KCNMA1: variants seen among roughly 807,000 people sequenced by gnomAD.
KCNMA1 encodes potassium calcium-activated channel subfamily M alpha 1.
A neutral mutation model predicts 140.0 loss-of-function variants in KCNMA1; 29 were observed. The ratio of observed to expected loss-of-function variants is 0.21; its 90% CI spans 0.15 to 0.28. KCNMA1 has a LOEUF of 0.28. KCNMA1 is among the 10% of genes least tolerant of loss of function. The probability of loss-of-function intolerance (pLI) is 1.00; values close to 1 mark genes in which losing one functional copy is unlikely to be tolerated. For synonymous variants in KCNMA1, 612 were observed against 611.9 expected (o/e 1.00, Z 0.00); for missense variants, 880 against 1,602.2 (o/e 0.55, Z 7.70).
In KCNMA1 at chr10:76,945,098, T is replaced by C; in HGVS notation, c.2710-133A>G. On this transcript the variant is annotated intron_variant, in intron 22 of 27. Transcript: ENST00000286628. ...AGATTGAGTCGGAGCTTTGGGAAAT[T>C]ATTTAACAAGTATCTTTTTTATGCC... 3.8e-6 allele frequency: 3 copies of C among 787,082 alleles called. No individual in the cohort carries two copies. In the South Asian group the frequency reaches 4.4e-5, roughly 12 times the overall value. 48.8% of individuals were successfully genotyped at this position (787,082 alleles called of 1,614,324 possible).
At chr10:77,568,830 A>G (rs1239113976) in intron 1 of KCNMA1, among the ~76,000 whole-genome samples, 1 of 151,570 alleles carries the variant, frequency 6.6e-6, no homozygotes, top group Non-Finnish European at 1.5e-5. Flanking sequence ...GTATATCTAG[A>G]AAACCCCATT....
intron 1 of KCNMA1, among the ~76,000 whole-genome samples, chr10:77,497,050 T>C (rs879751945): frequency 9.2e-5 from 14 of 152,234 alleles, no homozygotes; most frequent in Middle Eastern, 3.2e-3. Context: ...GCCCAAGGCC[T>C]CTGCAGAGGT....
chr10:77,304,823 T>G lies in KCNMA1; in HGVS notation c.541-53567A>C, dbSNP rs2077302547. Among the ~76,000 whole-genome samples the G allele has an allele frequency of 2.0e-5, 3 of 152,310 alleles. No homozygotes were observed. In the South Asian group the frequency reaches 6.2e-4, roughly 32 times the overall value. ...GTTGCCCAGAGATTCCCACACCCCG[T>G]GTGCAGCACAGATCCAGCAGAGACT... On this transcript the variant is annotated intron_variant, in intron 2 of 27. Coordinates refer to ENST00000286628, the MANE Select transcript of KCNMA1 (RefSeq NM_001161352.2).
At chr10:77,560,802 T>G (rs2066113891) in intron 1 of KCNMA1, among the ~76,000 whole-genome samples, 1 of 152,246 alleles carries the variant, frequency 6.6e-6, no homozygotes, top group Admixed American at 6.5e-5. Flanking sequence ...GCCCAGCCTC[T>G]ACATCTCATT....
At chr10:76,934,158 G>A (rs542523371) in intron 23 of KCNMA1, among the ~76,000 whole-genome samples, 2 of 152,198 alleles carry the variant, frequency 1.3e-5, no homozygotes, top group South Asian at 4.2e-4. Context: ...CTTTAATAGA[G>A]ATGGGGTTTC....
intron 2 of KCNMA1, among the ~76,000 whole-genome samples, chr10:77,367,610 G>C (rs548840214): frequency 6.6e-6 from 1 of 152,056 alleles, no homozygotes; most frequent in South Asian, 2.1e-4. Flanking sequence ...AAAGTTCTAC[G>C]AATGTTAGTA....
chr10:77,414,531 G>A (rs577126927), intron 1 of KCNMA1, among the ~76,000 whole-genome samples: 5 of 151,636 alleles, frequency 3.3e-5, no homozygotes, highest in African/African-American at 4.9e-5. Context: ...TCACTCTGTC[G>A]CCCAGGATGG....
In KCNMA1 at chr10:77,589,612, C is replaced by T. The variant is rs527288940; in HGVS notation, c.378+47653G>A. Among the ~76,000 whole-genome samples, 9 of 152,228 alleles carry T rather than the reference C, an allele frequency of 5.9e-5. No homozygotes were observed. The South Asian group carries it at 6.2e-4, about 11-fold the overall frequency. On this transcript the variant is annotated intron_variant, in intron 1 of 27. Coordinates refer to ENST00000286628, the MANE Select transcript of KCNMA1 (RefSeq NM_001161352.2). ...CTTGGTCTGACTTCAAGAATGAAGC[C>T]GCAGACCCTCGCGGTGAGTGTTACA...
At chr10:77,193,805 G>T (rs915101049) in intron 3 of KCNMA1, among the ~76,000 whole-genome samples, 2 of 152,160 alleles carry the variant, frequency 1.3e-5, no homozygotes, top group Admixed American at 1.3e-4. Context: ...AGAAGTCCCA[G>T]GTCTGAATGG....
At chr10:77,260,203 A>G (rs1339088019) in intron 2 of KCNMA1, among the ~76,000 whole-genome samples, 1 of 152,170 alleles carries the variant, frequency 6.6e-6, no homozygotes, top group African/African-American at 2.4e-5. Context: ...ACAGTCCTGC[A>G]CACAGACTCA....
At chr10:77,509,953 C>T (rs1034967542) in intron 1 of KCNMA1, among the ~76,000 whole-genome samples, 2 of 151,844 alleles carry the variant, frequency 1.3e-5, no homozygotes, top group Non-Finnish European at 2.9e-5. Context: ...GACCCTACAA[C>T]CTTATGGGGC....
intron 1 of KCNMA1, among the ~76,000 whole-genome samples, chr10:77,528,345 A>T (rs2056515817): frequency 6.6e-6 from 1 of 152,198 alleles, no homozygotes; most frequent in South Asian, 2.1e-4. Context: ...ACAGTGGTTC[A>T]TGCCTGTAAT....
chr10:77,357,337 C>T (rs2093582186), intron 2 of KCNMA1, among the ~76,000 whole-genome samples: 1 of 152,198 alleles, frequency 6.6e-6, no homozygotes, highest in Admixed American at 6.5e-5. Context: ...ATCCTGGCAC[C>T]CATGGACCCT....
Position 77,166,001 on chromosome 10 carries a change from T to C in KCNMA1, c.808+17420A>G, listed in dbSNP as rs190306563. On this transcript the variant is annotated intron_variant, in intron 5 of 27. Transcript: ENST00000286628. ...TGAGCTAAAGTGAGGTTGGGGAGTC[T>C]CTGCGGGCTATGGGAGGAGGATACA... 1.9e-3 allele frequency among the ~76,000 whole-genome samples: 290 copies of C among 152,252 alleles called. 1 individual carries two copies. Among genetic ancestry groups the C allele is most frequent in the Non-Finnish European group, 3.5e-3 (235 of 68,012 alleles).
chr10:77,114,093 T>C (rs924609198), intron 6 of KCNMA1, among the ~76,000 whole-genome samples: 1 of 151,954 alleles, frequency 6.6e-6, no homozygotes, highest in Non-Finnish European at 1.5e-5. Context: ...CACTGAGAGG[T>C]GCCCATTTCC....
At chr10:77,375,512 A>G (rs938921232) in intron 2 of KCNMA1, among the ~76,000 whole-genome samples, 1 of 152,156 alleles carries the variant, frequency 6.6e-6, no homozygotes, top group African/African-American at 2.4e-5. Context: ...CCACCACAAG[A>G]GTCCTCCATA....
chr10:77,491,245 T>G (rs1181371590), intron 1 of KCNMA1, among the ~76,000 whole-genome samples: 1 of 152,152 alleles, frequency 6.6e-6, no homozygotes, highest in Non-Finnish European at 1.5e-5. Flanking sequence ...TTGAGTGACC[T>G]GGTTGCCTGG....
chr10:77,232,272 A>G (rs2053871112), intron 3 of KCNMA1, among the ~76,000 whole-genome samples: 1 of 152,202 alleles, frequency 6.6e-6, no homozygotes, highest in South Asian at 2.1e-4. Context: ...TTGGGTAAAT[A>G]CCTAGGAGTG....
At chr10:77,251,793 C>A (rs143543733) in intron 2 of KCNMA1, among the ~76,000 whole-genome samples, 15 of 152,274 alleles carry the variant, frequency 9.9e-5, no homozygotes, top group African/African-American at 3.4e-4. Context: ...ACATTTTCAT[C>A]ATCCCAGTAA....
Sources: allele counts gnomAD v4.1 joint callset (sites outside exome capture counted in the v4.1 genomes callset), GRCh38; gene constraint gnomAD v4.1.1; transcripts MANE v1.5; gene names NCBI Gene and HGNC (gene_info 2026-07-23, HGNC 2026-07-21).